Variants in CPM observed in about 807,000 individuals in gnomAD.
CPM encodes renal carboxypeptidase.
Under a neutral mutation model 46.4 loss-of-function variants are expected in CPM, and 35 were observed. The observed-to-expected ratio is 0.75, with a 90% CI of 0.58 to 1.00. The LOEUF is 1.00. Ranked by LOEUF, CPM falls within the 50% of genes least tolerant of loss-of-function variation. CPM has a pLI of 0.00. For missense variants in CPM, 422 were observed against 530.4 expected (o/e 0.80, Z 2.01); for synonymous variants, 195 against 195.3 (o/e 1.00, Z 0.01).
chr12:68,955,540 C>T (rs1889001811), intron 1 of CPM, among the ~76,000 whole-genome samples: 1 of 152,016 alleles, frequency 6.6e-6, no homozygotes, highest in Non-Finnish European at 1.5e-5. Context: ...TAATTTATAC[C>T]TCTTTTAGTC....
chr12:68,945,742 G>A (rs1009666998), intron 1 of CPM, among the ~76,000 whole-genome samples: 1 of 151,950 alleles, frequency 6.6e-6, no homozygotes, highest in Non-Finnish European at 1.5e-5. Flanking sequence ...AAGCCTTGAG[G>A]GATTCAGGTA....
At chr12:68,929,045 T>C (rs1028881425) in intron 2 of CPM, among the ~76,000 whole-genome samples, 1 of 152,082 alleles carries the variant, frequency 6.6e-6, no homozygotes, top group Admixed American at 6.5e-5. Context: ...GGAAATCTCA[T>C]TTAAAATGGC....
intron 1 of CPM, among the ~76,000 whole-genome samples, chr12:68,948,364 A>G (rs1214888522): frequency 6.6e-6 from 1 of 152,196 alleles, no homozygotes; most frequent in Non-Finnish European, 1.5e-5. Flanking sequence ...CATTAGGGAA[A>G]TGAGAATTTT....
In CPM at chr12:68,852,900, C is replaced by T. The variant is rs1177478331; in HGVS notation, c.*3537G>A. ...TACCATTTCACTCCCACATTTTTCTCCCATCATGAAAGTGTGTATCAGGTT... is the reference window on the plus strand; with the variant it reads ...TACCATTTCACTCCCACATTTTTCTTCCATCATGAAAGTGTGTATCAGGTT... On this transcript the variant is annotated 3_prime_UTR_variant, in exon 9 of 9. Coordinates refer to ENST00000551568, the MANE Select transcript of CPM (RefSeq NM_198320.5). 6.6e-6 allele frequency: 1 copy of T among 152,054 alleles called. No homozygotes were observed. Among genetic ancestry groups the T allele is most frequent in the Non-Finnish European group, 1.5e-5 (1 of 68,046 alleles). 9.4% of individuals were successfully genotyped at this position (152,054 alleles called of 1,614,324 possible). A position where few individuals can be genotyped will look rare whatever the true frequency, so the allele number is the denominator to read the frequency against.
At chr12:68,959,718 A>G (rs1483420391) in intron 1 of CPM, among the ~76,000 whole-genome samples, 1 of 152,252 alleles carries the variant, frequency 6.6e-6, no homozygotes, top group East Asian at 1.9e-4. Flanking sequence ...ACATGCTAGC[A>G]TCGTGTTAGT....
chr12:68,932,440 A>G (rs1046759679), intron 2 of CPM, among the ~76,000 whole-genome samples: 1 of 152,264 alleles, frequency 6.6e-6, no homozygotes, highest in East Asian at 1.9e-4. Context: ...AAGAACTCCA[A>G]TAATGGAAAG....
chr12:68,876,440 C>T (rs1885953754), intron 3 of CPM, among the ~76,000 whole-genome samples: 1 of 152,198 alleles, frequency 6.6e-6, no homozygotes, highest in Admixed American at 6.5e-5. Context: ...AACACTCATT[C>T]ATGTTTTATG....
chr12:68,921,383 C>A (rs1376668393), intron 2 of CPM, among the ~76,000 whole-genome samples: 1 of 152,176 alleles, frequency 6.6e-6, no homozygotes, highest in South Asian at 2.1e-4. Context: ...CTCAAGTGAT[C>A]CACCCGCCTC....
At chr12:68,885,488 G>T (rs1886387941) in intron 3 of CPM, among the ~76,000 whole-genome samples, 1 of 152,176 alleles carries the variant, frequency 6.6e-6, no homozygotes, top group Non-Finnish European at 1.5e-5. Flanking sequence ...GAAAGGAGAT[G>T]CAGGGATTGG....
intron 1 of CPM, among the ~76,000 whole-genome samples, chr12:68,956,140 G>A (rs1206789415): frequency 6.6e-6 from 1 of 152,158 alleles, no homozygotes. Context: ...TAGGTGGCAG[G>A]GTGCTGGCAT....
intron 2 of CPM, among the ~76,000 whole-genome samples, chr12:68,923,538 T>G (rs1888127631): frequency 6.6e-6 from 1 of 152,200 alleles, no homozygotes; most frequent in Non-Finnish European, 1.5e-5. Flanking sequence ...TGCTTTCATA[T>G]CCAATATTTT....
intron 1 of CPM, among the ~76,000 whole-genome samples, chr12:68,957,146 C>T (rs1203003245): frequency 6.6e-6 from 1 of 152,090 alleles, no homozygotes; most frequent in Admixed American, 6.5e-5. Flanking sequence ...TCATAAAAAT[C>T]CAGCAAGAAG....
At chr12:68,954,100 C>A (rs569860722) in intron 1 of CPM, among the ~76,000 whole-genome samples, 23 of 152,260 alleles carry the variant, frequency 1.5e-4, no homozygotes, top group Non-Finnish European at 2.6e-4. Flanking sequence ...TTAGGAGCTC[C>A]TTCATGGCAT....
At chr12:68,870,523 G>T in intron 4 of CPM, 124 bp from the exon 5 acceptor site, 1 of 802,504 alleles carries the variant, frequency 1.2e-6, no homozygotes, top group Non-Finnish European at 1.9e-6. Flanking sequence ...TGTGGTGGAT[G>T]GCTGCCCTTG....
rs1885717520 is a variant in CPM at position 68,871,930 on chromosome 12, A to C, written c.285T>G (p.His95Gln). Residue 95 changes from histidine to glutamine, a missense_variant, in exon 4 of 9, where the codon CAT becomes CAG. Transcript: ENST00000551568. ...DETVGRELLL[H>Q]LIDYLVTSDG... ...CACTGGTTACGAGATAGTCAATCAG[A>C]TGGAGCAGCAGCTCCCGCCCAACAG... 2.5e-6 allele frequency: 4 copies of C among 1,614,040 alleles called. No individual in the cohort carries two copies. The highest frequency in any genetic ancestry group is 3.4e-6 in the Non-Finnish European group (4 of 1,180,022).
chr12:68,917,964 C>T (rs1887879097), intron 2 of CPM, among the ~76,000 whole-genome samples: 1 of 152,218 alleles, frequency 6.6e-6, no homozygotes, highest in Non-Finnish European at 1.5e-5. Flanking sequence ...TACGACTTCT[C>T]TAGTTTTGCC....
In CPM at chr12:68,869,360, C is replaced by T. The variant is rs1885590361; in HGVS notation, c.752G>A (p.Gly251Asp). 6.2e-7 allele frequency: 1 copy of T among 1,613,824 alleles called. No individual in the cohort carries two copies. Among genetic ancestry groups the T allele is most frequent in the Non-Finnish European group, 8.5e-7 (1 of 1,179,942 alleles). The change falls in exon 6 of 9, where the codon GGT (glycine) becomes GAT (aspartate). Residue 251 changes from glycine to aspartate, a missense_variant. Gly to Asp is a moderately conservative substitution (Grantham distance 94, BLOSUM62 -1). Transcript: ENST00000551568. ...ATACCAAGAGTATCCATTTGTAACA[C>T]CATTAGGAAAGTTCATTTTGTTTTT... ...ECKNKMNFPN[G>D]VTNGYSWYPL...
In CPM at chr12:68,853,456, TTAAA is replaced by T. The variant is rs1884816629; in HGVS notation, c.*2977_*2980del. ...CAAATTACCAGATTTCATAATTGGT[TTAAA>T]TAAGCCTCCAATTTGTTTATATTTA... On this transcript the variant is annotated 3_prime_UTR_variant, in exon 9 of 9. Coordinates refer to ENST00000551568, the MANE Select transcript of CPM (RefSeq NM_198320.5). 6.6e-6 allele frequency: 1 copy of T among 150,486 alleles called. No individual in the cohort carries two copies. Among genetic ancestry groups the T allele is most frequent in the Non-Finnish European group, 1.5e-5 (1 of 68,020 alleles). The allele number at this position is 150,486 out of a possible 1,614,324, so 9.3% of individuals were successfully genotyped here.
At chr12:68,897,371 T>C (rs1290338095) in intron 2 of CPM, among the ~76,000 whole-genome samples, 1 of 151,954 alleles carries the variant, frequency 6.6e-6, no homozygotes, top group African/African-American at 2.4e-5. Flanking sequence ...GCTGAGAACT[T>C]CCCTTTTTGG....
Sources: allele counts gnomAD v4.1 joint callset (sites outside exome capture counted in the v4.1 genomes callset), GRCh38; gene constraint gnomAD v4.1.1; transcripts MANE v1.5; gene names NCBI Gene and HGNC (gene_info 2026-07-23, HGNC 2026-07-21).